Variants in PICALM observed in about 807,000 individuals in gnomAD.
The protein encoded by PICALM is phosphatidylinositol binding clathrin assembly protein.
Under a neutral mutation model 80.5 loss-of-function variants are expected in PICALM, and 40 were observed. That is an observed-to-expected ratio of 0.50 (90% CI 0.39 to 0.65). The LOEUF is 0.65. Among genes scored for constraint, PICALM ranks in the 30% least tolerant of loss-of-function variants. The pLI is 0.00. For missense variants in PICALM, 676 were observed against 778.9 expected, an observed-to-expected ratio of 0.87 and a Z score of 1.57; for synonymous variants, 288 against 260.3, an observed-to-expected ratio of 1.11 and a Z score of -1.02.
chr11:86,038,107 G>A (rs955829708), intron 1 of PICALM, among the ~76,000 whole-genome samples: 1 of 152,220 alleles, frequency 6.6e-6, no homozygotes, highest in African/African-American at 2.4e-5. Flanking sequence ...ATCACTTGAG[G>A]TCAGGAGTTC....
chr11:86,017,664 T>C (rs921002882), intron 4 of PICALM, among the ~76,000 whole-genome samples: 1 of 152,242 alleles, frequency 6.6e-6, no homozygotes, highest in Admixed American at 6.5e-5. Flanking sequence ...ACTAGTATGG[T>C]AGAAAGGGTT....
At chr11:86,066,758 A>C (rs993086540) in intron 1 of PICALM, among the ~76,000 whole-genome samples, 2 of 149,790 alleles carry the variant, frequency 1.3e-5, no homozygotes, top group South Asian at 2.1e-4. Flanking sequence ...AAAAAAAAAA[A>C]CAAAAAAAAA....
At chr11:85,968,947 A>AACACACACACACACAC (rs57641869) in intron 19 of PICALM, among the ~76,000 whole-genome samples, 1 of 144,018 alleles carries the variant, frequency 6.9e-6, no homozygotes, top group Non-Finnish European at 1.5e-5. Context: ...AAAATGACTC[A>AACACACACACACACAC]ACACACACAC....
Position 85,958,532 on chromosome 11 carries a change from A to G in PICALM, c.*514T>C, listed in dbSNP as rs913181484. On this transcript the variant is annotated 3_prime_UTR_variant, in exon 20 of 20. Coordinates refer to ENST00000393346, the MANE Select transcript of PICALM (RefSeq NM_007166.4). The stretch of plus-strand genomic sequence containing the variant: ...AATACTTAAGGAATGTCTACTGCAA[A>G]CTGAATATAATTTTTTTTAAAAAAA... The G allele has an allele frequency of 4.8e-6, 1 of 210,308 alleles. No homozygotes were observed. The highest frequency in any genetic ancestry group is 2.3e-5 in the African/African-American group (1 of 44,124). 13.0% of individuals were successfully genotyped at this position (210,308 alleles called of 1,614,324 possible).
At chr11:86,027,489 C>T (rs2095667647) in intron 2 of PICALM, among the ~76,000 whole-genome samples, 1 of 151,258 alleles carries the variant, frequency 6.6e-6, no homozygotes, top group Admixed American at 6.6e-5. Context: ...ACCATCACCT[C>T]TGAAATCAGT....
intron 19 of PICALM, among the ~76,000 whole-genome samples, chr11:85,970,183 G>T (rs1047218317): frequency 2.0e-5 from 3 of 152,162 alleles, no homozygotes; most frequent in African/African-American, 4.8e-5. Context: ...GAAAGCCCTT[G>T]CTAGACTGGA....
At chr11:85,969,742 C>G in intron 19 of PICALM, 1 of 317,098 alleles carries the variant, frequency 3.2e-6, no homozygotes, top group South Asian at 2.7e-5. Flanking sequence ...TGGTCTGGAA[C>G]TCCTGCACTT....
intron 1 of PICALM, among the ~76,000 whole-genome samples, chr11:86,062,801 G>C (rs1421260715): frequency 6.6e-6 from 1 of 152,048 alleles, no homozygotes; most frequent in East Asian, 1.9e-4. Context: ...ATACTAAAAG[G>C]TCAAGTCCAA....
At chr11:86,021,610 T>C (rs1342718646) in intron 4 of PICALM, among the ~76,000 whole-genome samples, 1 of 152,066 alleles carries the variant, frequency 6.6e-6, no homozygotes, top group African/African-American at 2.4e-5. Flanking sequence ...TTCAACTGCT[T>C]TGAAAAATGA....
At chr11:85,981,300 G>A (rs1158077847) in intron 16 of PICALM, 72 bp from the exon 17 acceptor site, 7 of 871,442 alleles carry the variant, frequency 8.0e-6, no homozygotes, top group African/African-American at 1.7e-5. Context: ...TACTTATATA[G>A]AACAGAGTAA....
chr11:86,045,507 T>C (rs1384800801), intron 1 of PICALM, among the ~76,000 whole-genome samples: 6 of 113,844 alleles, frequency 5.3e-5, no homozygotes, highest in Non-Finnish European at 1.1e-4. Context: ...AGTGAGACCC[T>C]GTCTTGAAAT....
intron 19 of PICALM, among the ~76,000 whole-genome samples, chr11:85,966,769 G>A (rs919814512): frequency 1.3e-5 from 2 of 152,170 alleles, no homozygotes; most frequent in East Asian, 1.9e-4. Context: ...GGAGAGGCAC[G>A]TGGAGGTAGA....
At position 86,062,300 on chromosome 11, in the gene PICALM, TGAGGTCAGGA is replaced by T. The variant is rs2096380248; in HGVS notation, c.130+6341_130+6350del. Among the ~76,000 whole-genome samples the T allele has an allele frequency of 2.6e-5, 4 of 152,152 alleles. No individual in the cohort carries two copies. In the South Asian group the frequency reaches 8.3e-4, roughly 32 times the overall value. ...GGGAGGCCGAGGTGGGTGGATCACC[TGAGGTCAGGA>T]GCTCGAGACCAGCCTGGCCAACATG... On this transcript the variant is annotated intron_variant, in intron 1 of 19. Coordinates refer to ENST00000393346, the MANE Select transcript of PICALM (RefSeq NM_007166.4).
intron 1 of PICALM, among the ~76,000 whole-genome samples, chr11:86,045,666 T>C (rs184164574): frequency 6.6e-6 from 1 of 152,234 alleles, no homozygotes; most frequent in Admixed American, 6.5e-5. Flanking sequence ...AGATCTATAT[T>C]TATACAATAT....
chr11:86,068,984 T>C lies in PICALM; in HGVS notation c.-204A>G. ...GTGTCACCCGCGGAGTCGGACAAGA[T>C]GTCGGGCACTCCCTTGCCCCCGCCT... On this transcript the variant is annotated 5_prime_UTR_variant, in exon 1 of 20. Coordinates refer to ENST00000393346, the MANE Select transcript of PICALM (RefSeq NM_007166.4). 1.6e-6 allele frequency: 1 copy of C among 608,682 alleles called. No homozygotes were observed. Among genetic ancestry groups the C allele is most frequent in the Non-Finnish European group, 2.8e-6 (1 of 358,728 alleles). 37.7% of individuals were successfully genotyped at this position (608,682 alleles called of 1,614,324 possible). A position where few individuals can be genotyped will look rare whatever the true frequency, so the allele number is the denominator to read the frequency against.
intron 1 of PICALM, among the ~76,000 whole-genome samples, chr11:86,047,850 A>G (rs2096102492): frequency 1.3e-5 from 2 of 152,212 alleles, no homozygotes; most frequent in South Asian, 4.1e-4. Context: ...TCGTAATACC[A>G]GCACTTTGGG....
At chr11:85,991,561 A>C (rs2094778491) in intron 12 of PICALM, among the ~76,000 whole-genome samples, 1 of 152,110 alleles carries the variant, frequency 6.6e-6, no homozygotes, top group African/African-American at 2.4e-5. Flanking sequence ...AAAAATCAAG[A>C]AAATACTCAG....
intron 7 of PICALM, among the ~76,000 whole-genome samples, chr11:86,008,952 C>CAAAAAAAAAAAAAAAAA (rs59740555): frequency 1.9e-4 from 12 of 62,830 alleles, no homozygotes; most frequent in South Asian, 6.8e-4. Context: ...AAAAAAAAGC[C>CAAAAAAAAAAAAAAAAA]AAAAAAAAAA....
chr11:86,032,521 G>A (rs1255752599), intron 1 of PICALM, among the ~76,000 whole-genome samples: 2 of 152,126 alleles, frequency 1.3e-5, no homozygotes, highest in Non-Finnish European at 2.9e-5. Flanking sequence ...AGCTACTCAG[G>A]AGGCTGAGGC....
Sources: allele counts gnomAD v4.1 joint callset (sites outside exome capture counted in the v4.1 genomes callset), GRCh38; gene constraint gnomAD v4.1.1; transcripts MANE v1.5; gene names NCBI Gene and HGNC (gene_info 2026-07-23, HGNC 2026-07-21).